The following AMBP variants were observed in gnomAD, a reference collection of about 807,000 sequenced individuals.
AMBP encodes the protein protein AMBP.
AMBP carries 37 observed loss-of-function variants against 46.3 expected under a neutral mutation model. That is an observed-to-expected ratio of 0.80 (90% CI 0.61 to 1.05). AMBP has a LOEUF of 1.05. Ranked by LOEUF, AMBP falls within the 50% of genes least tolerant of loss-of-function variation. AMBP has a pLI of 0.00. For synonymous variants in AMBP, 174 were observed against 175.9 expected (o/e 0.99, Z 0.09); for missense variants, 475 against 461.2 (o/e 1.03, Z -0.27).
At chr9:114,072,025 A>G (rs1261177718) in intron 5 of AMBP, among the ~76,000 whole-genome samples, 2 of 152,182 alleles carry the variant, frequency 1.3e-5, no homozygotes, top group African/African-American at 4.8e-5. Context: ...TGTGTACCTC[A>G]TTCTTTCTGG....
At chr9:114,072,508 G>A (rs1846755619) in intron 5 of AMBP, among the ~76,000 whole-genome samples, 1 of 152,174 alleles carries the variant, frequency 6.6e-6, no homozygotes, top group East Asian at 1.9e-4. Flanking sequence ...AGGCCAAGTG[G>A]GTGGAACAAG....
chr9:114,078,138 C>T lies in AMBP; in HGVS notation c.72G>A (p.Thr24=), dbSNP rs750913733. 9.3e-6 allele frequency: 15 copies of T among 1,613,678 alleles called. No homozygotes were observed. Among genetic ancestry groups the T allele is most frequent in the Admixed American group, 8.3e-5 (5 of 60,010 alleles). ...CLAVSAGPVP[T]PPDNIQVQEN... ...CCTGCACTTGGATGTTGTCGGGCGG[C>T]GTTGGCACAGGGCCAGCGCTCACCG... The change falls in exon 1 of 10, where the codon ACG becomes ACA. Residue 24 remains threonine, a synonymous_variant. Coordinates refer to ENST00000265132, the MANE Select transcript of AMBP (RefSeq NM_001633.4).
At chr9:114,063,323 TC>T (rs201285870) in intron 6 of AMBP, among the ~76,000 whole-genome samples, 3,023 of 152,228 alleles carry the variant, frequency 0.02, 44 homozygotes, top group East Asian at 0.073. Context: ...TGAGGCAGGA[TC>T]CCAGGGCAAT....
chr9:114,077,422 T>A (rs1846825306), intron 1 of AMBP: 1 of 152,788 alleles, frequency 6.5e-6, no homozygotes, highest in Admixed American at 6.5e-5. Flanking sequence ...CAGCCCCAGG[T>A]GGGCAAGGGT....
chr9:114,061,975 C>T (rs2269453), intron 7 of AMBP, among the ~76,000 whole-genome samples: 133,743 of 152,120 alleles, frequency 0.88, 59,911 homozygotes, highest in Non-Finnish European at 0.97. Context: ...TTTGCTCCCA[C>T]TGTTCCTTGC....
intron 6 of AMBP, among the ~76,000 whole-genome samples, chr9:114,065,935 TG>T (rs1360373945): frequency 6.6e-6 from 1 of 152,240 alleles, no homozygotes; most frequent in Non-Finnish European, 1.5e-5. Context: ...CCAGCTGTGG[TG>T]GACACCTTAA....
intron 6 of AMBP, among the ~76,000 whole-genome samples, chr9:114,065,195 C>A (rs906681537): frequency 6.9e-6 from 1 of 144,390 alleles, no homozygotes. Flanking sequence ...GGGGTCCTAA[C>A]CCCCCAGAAC....
chr9:114,061,342 A>G (rs753145733), intron 8 of AMBP, 82 bp downstream of exon 8: 4 of 1,596,024 alleles, frequency 2.5e-6, no homozygotes, highest in Non-Finnish European at 2.6e-6. Context: ...TCTGTTAGCT[A>G]CCTTTTCAAT....
chr9:114,066,927 G>T (rs1431851350), intron 6 of AMBP, among the ~76,000 whole-genome samples: 1 of 152,142 alleles, frequency 6.6e-6, no homozygotes, highest in African/African-American at 2.4e-5. Flanking sequence ...TTGAATTCCA[G>T]GATGTGTTGT....
Position 114,078,246 on chromosome 9 carries a change from C to T in AMBP, c.-37G>A. The T allele has an allele frequency of 6.3e-7, 1 of 1,593,268 alleles. No homozygotes were observed. The highest frequency in any genetic ancestry group is 8.6e-7 in the Non-Finnish European group (1 of 1,167,338). On this transcript the variant is annotated 5_prime_UTR_variant, in exon 1 of 10. Transcript: ENST00000265132. Reference sequence around the variant, plus strand: ...CCTCTGCCTTGGTATATCCCACAGGCTCGGTCTAGCAACAGAAGGGCCACC... The same window carrying T: ...CCTCTGCCTTGGTATATCCCACAGGTTCGGTCTAGCAACAGAAGGGCCACC...
At chr9:114,060,372 A>G in intron 9 of AMBP, 102 bp from the exon 10 acceptor site, 1 of 1,220,090 alleles carries the variant, frequency 8.2e-7, no homozygotes, top group South Asian at 1.3e-5. Flanking sequence ...TTGCTGAATC[A>G]TTTATCTCCA....
rs761457908 is a variant in AMBP, at chr9:114,060,940, C to T, written c.1012G>A (p.Gly338Ser). 1.9e-5 allele frequency: 31 copies of T among 1,613,880 alleles called. No individual in the cohort carries two copies. The East Asian group carries it at 2.4e-4, about 13-fold the overall frequency. Residue 338 changes from glycine (G) to serine (S), a missense_variant, in exon 9 of 10, where the codon GGT becomes AGT. Gly to Ser is a moderately conservative substitution (Grantham distance 56, BLOSUM62 0). This residue lies in a region of AMBP where 293 missense variants were observed against 276.9 expected (regional missense o/e 1.06). Transcript: ENST00000265132. ...YSEKECREYCGVPGDGDEELL... is the reference protein window; with the variant it reads ...YSEKECREYCSVPGDGDEELL... ...GGCTGCCTACCATCACCAGGGACAC[C>T]GCAGTACTCTCTGCACTCCTTCTCT...
chr9:114,076,494 C>A, intron 2 of AMBP, 104 bp downstream of exon 2: 1 of 1,515,996 alleles, frequency 6.6e-7, no homozygotes, highest in Non-Finnish European at 8.9e-7. Flanking sequence ...GCGGGAAGGT[C>A]CTGACTGGAA....
intron 6 of AMBP, among the ~76,000 whole-genome samples, chr9:114,067,633 C>G (rs113354863): frequency 4.0e-4 from 61 of 152,188 alleles, no homozygotes; most frequent in African/African-American, 1.1e-3. Context: ...TAAAGTTTTC[C>G]CAGGCATCTG....
At chr9:114,062,254 G>A (rs757539871) in intron 7 of AMBP, among the ~76,000 whole-genome samples, 1 of 152,192 alleles carries the variant, frequency 6.6e-6, no homozygotes, top group Non-Finnish European at 1.5e-5. Flanking sequence ...GTGTTTGTTT[G>A]CTGATCGAGT....
rs761264920 is a variant in AMBP at position 114,076,627 on chromosome 9, C to T, written c.231G>A (p.Ala77=). The T allele has an allele frequency of 2.4e-5, 39 of 1,613,864 alleles. No individual in the cohort carries two copies. The highest frequency in any genetic ancestry group is 1.3e-4 in the African/African-American group (10 of 74,890). ...AACGAGTGCTGGTCATGCTGATCTC[C>T]GCCTCTGTAGCGCCCTCTCCCAGCA... ...TLVLGEGATE[A]EISMTSTRWR... is the part of the protein sequence containing the mutation. The change falls in exon 2 of 10, where the codon GCG becomes GCA. Residue 77 remains alanine (A), a synonymous_variant. Transcript: ENST00000265132.
Sources: allele counts gnomAD v4.1 joint callset (sites outside exome capture counted in the v4.1 genomes callset), GRCh38; gene constraint gnomAD v4.1.1; regional missense constraint gnomAD v4.1.1; transcripts MANE v1.5; gene names NCBI Gene and HGNC (gene_info 2026-07-23, HGNC 2026-07-21).